Variants in SYTL2 observed in about 807,000 individuals in gnomAD.
The protein encoded by SYTL2 is synaptotagmin-like protein 2.
In SYTL2, 165 loss-of-function variants were observed where a neutral mutation model predicts 198.7. The observed-to-expected ratio is 0.83, with a 90% CI of 0.73 to 0.94. The LOEUF (loss-of-function observed/expected upper bound fraction) is 0.94, where lower values mean the gene tolerates loss of function less well. SYTL2 is among the 40% of genes least tolerant of loss of function. The probability of loss-of-function intolerance (pLI) is 0.00; values close to 1 mark genes in which losing one functional copy is unlikely to be tolerated. For synonymous variants in SYTL2, 966 were observed against 917.7 expected (o/e 1.05, Z -0.95); for missense variants, 2,835 against 2,582.8 (o/e 1.10, Z -2.12).
rs991324838 is a variant in SYTL2 at position 85,811,005 on chromosome 11, T to C, written c.-441A>G. On this transcript the variant is annotated 5_prime_UTR_variant, in exon 1 of 20. Transcript: ENST00000359152. ...GCGCCTCGCCGTCTCTCTTGTCTTC[T>C]GGCCCCCAGCCCTCGGCCTGGCGGT... The C allele has an allele frequency of 3.9e-5, 6 of 152,328 alleles. No homozygotes were observed. In the East Asian group the frequency reaches 7.7e-4, roughly 20 times the overall value. The allele number at this position is 152,328 out of a possible 1,614,324, so 9.4% of individuals were successfully genotyped here.
the SYTL2 span, chr11:85,853,242 T>C: frequency 1.9e-5 from 8 of 427,964 alleles, no homozygotes; most frequent in Admixed American, 5.1e-5. Context: ...GGGGAAAAGA[T>C]AGAGAAATCA....
the SYTL2 span, among the ~76,000 whole-genome samples, chr11:85,827,320 C>T: frequency 3.0e-4 from 45 of 152,118 alleles, no homozygotes; most frequent in African/African-American, 1.1e-3. Flanking sequence ...TGCTCTGCAC[C>T]GGTCCTAGCT....
chr11:85,849,894 C>T, the SYTL2 span, among the ~76,000 whole-genome samples: 1 of 141,722 alleles, frequency 7.1e-6, no homozygotes, highest in East Asian at 2.0e-4. Context: ...GCCATTTTCA[C>T]GATATTGATT....
At chr11:85,703,565 G>T (rs1001387907) in intron 16 of SYTL2, among the ~76,000 whole-genome samples, 2 of 152,072 alleles carry the variant, frequency 1.3e-5, no homozygotes, top group African/African-American at 2.4e-5. Flanking sequence ...ATGATACCAA[G>T]AAAATCTGAA....
intron 15 of SYTL2, among the ~76,000 whole-genome samples, chr11:85,706,649 C>T (rs2085196410): frequency 6.6e-6 from 1 of 152,146 alleles, no homozygotes; most frequent in Non-Finnish European, 1.5e-5. Context: ...GGAACAAAGA[C>T]TATGAGAGAG....
At chr11:85,820,307 GTATTT>G in the SYTL2 span, among the ~76,000 whole-genome samples, 2 of 152,110 alleles carry the variant, frequency 1.3e-5, no homozygotes, top group Non-Finnish European at 2.9e-5. Context: ...GTAATCCTGG[GTATTT>G]TATTTTATTT....
At chr11:85,794,503 GAACA>G (rs1209470429) in intron 1 of SYTL2, among the ~76,000 whole-genome samples, 1 of 152,092 alleles carries the variant, frequency 6.6e-6, no homozygotes, top group South Asian at 2.1e-4. Flanking sequence ...AAGGACAACA[GAACA>G]AATAACAAAA....
At chr11:85,741,109 A>C (rs2090756120) in intron 4 of SYTL2, among the ~76,000 whole-genome samples, 1 of 152,006 alleles carries the variant, frequency 6.6e-6, no homozygotes, top group African/African-American at 2.4e-5. Flanking sequence ...TGTTTATAGA[A>C]CCAAATTCTA....
intron 1 of SYTL2, among the ~76,000 whole-genome samples, chr11:85,792,859 A>G (rs1363466803): frequency 2.0e-5 from 3 of 151,348 alleles, no homozygotes; most frequent in South Asian, 2.1e-4. Context: ...ATTCCCACCT[A>G]TGAGTGAGAA....
In SYTL2 at chr11:85,727,878, G is replaced by A. The variant is rs753789377; in HGVS notation, c.1480C>T (p.Pro494Ser). 2 of 1,613,528 alleles carry A rather than the reference G, an allele frequency of 1.2e-6. No individual in the cohort carries two copies. Among genetic ancestry groups the A allele is most frequent in the South Asian group, 1.1e-5 (1 of 90,924 alleles). Residue 494 changes from proline to serine, a missense_variant, in exon 8 of 20, where the codon CCG becomes TCG. This residue lies in a region of SYTL2 where 2,645 missense variants were observed against 2,381.7 expected (regional missense o/e 1.11). Coordinates refer to ENST00000359152, the MANE Select transcript of SYTL2 (RefSeq NM_206927.4). The part of the protein sequence containing the change: ...DRQQGKPPPL[P>S]ALKAKTSSRS... ...GAAGATGTCTTAGCTTTTAGAGCCG[G>A]GAGAGGAGGGGGCTTACCTTGCTGA...
intron 1 of SYTL2, among the ~76,000 whole-genome samples, chr11:85,807,241 A>G (rs1293037052): frequency 3.3e-5 from 5 of 152,250 alleles, no homozygotes; most frequent in Non-Finnish European, 7.3e-5. Flanking sequence ...ATGAGGATCA[A>G]TGAGATACTA....
At chr11:85,780,486 C>A (rs2092541271) in intron 1 of SYTL2, among the ~76,000 whole-genome samples, 1 of 152,152 alleles carries the variant, frequency 6.6e-6, no homozygotes, top group Non-Finnish European at 1.5e-5. Context: ...GAGGTCCCTG[C>A]CAGCACAAAG....
intron 1 of SYTL2, among the ~76,000 whole-genome samples, chr11:85,766,477 T>G (rs1299245012): frequency 6.6e-6 from 1 of 152,206 alleles, no homozygotes; most frequent in Non-Finnish European, 1.5e-5. Flanking sequence ...TTAAGCCACA[T>G]AGAACAGAGT....
intron 16 of SYTL2, among the ~76,000 whole-genome samples, chr11:85,702,755 C>T (rs931658210): frequency 6.6e-6 from 1 of 152,076 alleles, no homozygotes; most frequent in African/African-American, 2.4e-5. Context: ...TGCAATACCC[C>T]ACATATGATC....
rs190199612 is a variant in SYTL2 at position 85,729,027 on chromosome 11, C to A, written c.1391-1060G>T. On this transcript the variant is annotated intron_variant, in intron 7 of 19. Transcript: ENST00000359152. ...CATAATGGTAAAGGGATCAATGCAA[C>A]AAGAAGAGCTAGCTATCCTAAATAT... Among the ~76,000 whole-genome samples the A allele has an allele frequency of 2.6e-5, 4 of 152,276 alleles. No individual in the cohort carries two copies. In the South Asian group the frequency reaches 8.3e-4, roughly 32 times the overall value.
intron 1 of SYTL2, among the ~76,000 whole-genome samples, chr11:85,763,628 C>T (rs2092156599): frequency 6.6e-6 from 1 of 151,984 alleles, no homozygotes; most frequent in Admixed American, 6.5e-5. Flanking sequence ...TAAATGGTGA[C>T]TCTCACATGA....
intron 1 of SYTL2, among the ~76,000 whole-genome samples, chr11:85,804,317 C>T (rs1162283173): frequency 1.3e-5 from 2 of 152,156 alleles, no homozygotes; most frequent in African/African-American, 4.8e-5. Context: ...TTTGCAGCTT[C>T]GTACGTAATT....
At chr11:85,700,471 G>T in intron 17 of SYTL2, 44 bp downstream of exon 17, 4 of 1,463,794 alleles carry the variant, frequency 2.7e-6, no homozygotes, top group Non-Finnish European at 3.8e-6. Context: ...GAGAAGGGAG[G>T]GATAAGGAAA....
chr11:85,852,053 G>T, the SYTL2 span, among the ~76,000 whole-genome samples: 1 of 152,114 alleles, frequency 6.6e-6, no homozygotes, highest in Non-Finnish European at 1.5e-5. Flanking sequence ...ATTAATTTTT[G>T]TATATTTTAC....
Sources: allele counts gnomAD v4.1 joint callset (sites outside exome capture counted in the v4.1 genomes callset), GRCh38; gene constraint gnomAD v4.1.1; regional missense constraint gnomAD v4.1.1; transcripts MANE v1.5; gene names NCBI Gene and HGNC (gene_info 2026-07-23, HGNC 2026-07-21).